The following FAM20C variants were observed in gnomAD, a reference collection of about 807,000 sequenced individuals.
The protein encoded by FAM20C is extracellular serine/threonine protein kinase FAM20C.
FAM20C carries 40 observed loss-of-function variants against 51.5 expected under a neutral mutation model. The observed-to-expected ratio is 0.78, with a 90% confidence interval of 0.60 to 1.01. The LOEUF (loss-of-function observed/expected upper bound fraction) is 1.01, where lower values mean the gene tolerates loss of function less well. FAM20C is among the 50% of genes least tolerant of loss of function. FAM20C has a pLI of 0.00. For synonymous variants in FAM20C, 406 were observed against 380.6 expected (o/e 1.07, Z -0.78); for missense variants, 861 against 844.7 (o/e 1.02, Z -0.24).
intron 2 of FAM20C, among the ~76,000 whole-genome samples, chr7:202,012 G>A (rs12672146): frequency 0.08 from 12,121 of 152,240 alleles, 624 homozygotes; most frequent in East Asian, 0.24. Flanking sequence ...GTATACTGAC[G>A]GATATCCGGG....
At chr7:228,129 G>A (rs1019154902) in intron 3 of FAM20C, 37 of 288,028 alleles carry the variant, frequency 1.3e-4, no homozygotes, top group African/African-American at 6.5e-4. Context: ...TCAGTCAGGC[G>A]CACAGGCCTG....
At chr7:201,029 C>T (rs1051124425) in intron 2 of FAM20C, among the ~76,000 whole-genome samples, 2 of 152,200 alleles carry the variant, frequency 1.3e-5, no homozygotes, top group African/African-American at 4.8e-5. Context: ...TCTGGGACAC[C>T]GAGCAGACCT....
intron 3 of FAM20C, among the ~76,000 whole-genome samples, chr7:210,377 C>T (rs143029574): frequency 9.6e-4 from 146 of 152,242 alleles, no homozygotes; most frequent in Admixed American, 2.1e-3. Flanking sequence ...TCCTGGGTTA[C>T]GTGAAGGAGC....
At chr7:243,946 T>TAA (rs747578598) in intron 3 of FAM20C, among the ~76,000 whole-genome samples, 32 of 146,312 alleles carry the variant, frequency 2.2e-4, no homozygotes, top group South Asian at 1.1e-3. Flanking sequence ...ATAATAATAA[T>TAA]TATTATTATT....
intron 2 of FAM20C, among the ~76,000 whole-genome samples, chr7:206,256 G>A (rs373135852): frequency 6.6e-6 from 1 of 152,068 alleles, no homozygotes; most frequent in African/African-American, 2.4e-5. Context: ...AACCACCACC[G>A]TCTCCTGCAG....
intron 3 of FAM20C, among the ~76,000 whole-genome samples, chr7:220,919 C>G (rs1216747159): frequency 6.6e-6 from 1 of 152,008 alleles, no homozygotes. Flanking sequence ...GGCGGAGCCT[C>G]GTCTCTAGCA....
intron 2 of FAM20C, among the ~76,000 whole-genome samples, chr7:206,497 G>A (rs564024873): frequency 4.1e-5 from 6 of 147,516 alleles, no homozygotes; most frequent in South Asian, 4.3e-4. Flanking sequence ...CCCTGCACAC[G>A]TGTCCACTGT....
At chr7:211,428 C>A (rs989973550) in intron 3 of FAM20C, among the ~76,000 whole-genome samples, 1 of 151,304 alleles carries the variant, frequency 6.6e-6, no homozygotes, top group African/African-American at 2.4e-5. Flanking sequence ...CCTCCCCAGG[C>A]CTCCCCAAAC....
chr7:201,252 C>G (rs1009882885), intron 2 of FAM20C, among the ~76,000 whole-genome samples: 2 of 152,240 alleles, frequency 1.3e-5, no homozygotes, highest in Non-Finnish European at 2.9e-5. Context: ...AGGACAGACG[C>G]TGGCCCTCTT....
chr7:254,045 C>T (rs918095459), intron 5 of FAM20C, among the ~76,000 whole-genome samples: 1 of 151,196 alleles, frequency 6.6e-6, no homozygotes, highest in Non-Finnish European at 1.5e-5. Flanking sequence ...AATGACCCAG[C>T]GTTGGCAGTG....
rs947352578 is a variant in FAM20C at position 260,202 on chromosome 7, G to A, written c.*222G>A. Reference sequence around the variant, plus strand: ...GAAGGAAGCGCTGTCTGTGCTCACGGACAGAGGCGGCCGGCGCCGGAGGCA... The same window carrying A: ...GAAGGAAGCGCTGTCTGTGCTCACGAACAGAGGCGGCCGGCGCCGGAGGCA... On this transcript the variant is annotated 3_prime_UTR_variant, in exon 10 of 10. Coordinates refer to ENST00000313766, the MANE Select transcript of FAM20C (RefSeq NM_020223.4). The A allele has an allele frequency of 5.2e-6, 3 of 576,124 alleles. No homozygotes were observed. The highest frequency in any genetic ancestry group is 1.9e-5 in the African/African-American group (1 of 52,780). The allele number at this position is 576,124 out of a possible 1,614,324, so 35.7% of individuals were successfully genotyped here. A position where few individuals can be genotyped will look rare whatever the true frequency, so the allele number is the denominator to read the frequency against.
At chr7:222,808 CATGT>C (rs1384091491) in intron 3 of FAM20C, among the ~76,000 whole-genome samples, 4 of 152,038 alleles carry the variant, frequency 2.6e-5, no homozygotes, top group Middle Eastern at 3.4e-3. Flanking sequence ...CCTGTGTATG[CATGT>C]GTATGAGTGT....
intron 4 of FAM20C, among the ~76,000 whole-genome samples, 155 bp from the exon 5 acceptor site, chr7:248,160 C>G (rs1285606684): frequency 6.6e-6 from 1 of 152,168 alleles, no homozygotes; most frequent in African/African-American, 2.4e-5. Context: ...GCCACCGGAC[C>G]TAGGGCTGGG....
intron 3 of FAM20C, among the ~76,000 whole-genome samples, chr7:226,598 G>A (rs1476058046): frequency 2.6e-5 from 4 of 152,080 alleles, no homozygotes; most frequent in Admixed American, 1.3e-4. Context: ...CCACCCTCTC[G>A]CAGGTCTGTG....
chr7:233,265 T>G (rs1440470602), intron 3 of FAM20C, among the ~76,000 whole-genome samples: 2 of 152,220 alleles, frequency 1.3e-5, no homozygotes, highest in Non-Finnish European at 2.9e-5. Flanking sequence ...GTGCCTTCTC[T>G]CGATCATTCT....
chr7:196,836 A>G (rs1176646671), intron 2 of FAM20C, among the ~76,000 whole-genome samples: 1 of 152,106 alleles, frequency 6.6e-6, no homozygotes, highest in Non-Finnish European at 1.5e-5. Flanking sequence ...CAGAACTTGC[A>G]GCTCTCTCCC....
intron 4 of FAM20C, among the ~76,000 whole-genome samples, chr7:247,682 A>C (rs1303995679): frequency 6.6e-6 from 1 of 152,238 alleles, no homozygotes; most frequent in African/African-American, 2.4e-5. Flanking sequence ...TTATGAAAAG[A>C]AAGACGGGGA....
intron 3 of FAM20C, among the ~76,000 whole-genome samples, chr7:212,985 C>T (rs1267968075): frequency 2.0e-5 from 3 of 150,776 alleles, no homozygotes; most frequent in East Asian, 2.0e-4. Context: ...CTCCAGCCCC[C>T]GTCAAGCACT....
chr7:209,682 A>G (rs1287080177), intron 3 of FAM20C, among the ~76,000 whole-genome samples: 1 of 152,226 alleles, frequency 6.6e-6, no homozygotes. Context: ...GGCGTCCCAC[A>G]GGAAGGGGCC....
Sources: allele counts gnomAD v4.1 joint callset (sites outside exome capture counted in the v4.1 genomes callset), GRCh38; gene constraint gnomAD v4.1.1; transcripts MANE v1.5; gene names NCBI Gene and HGNC (gene_info 2026-07-23, HGNC 2026-07-21).